The following CNTNAP2 variants were observed in gnomAD, a reference collection of about 807,000 sequenced individuals.
CNTNAP2 encodes contactin-associated protein-like 2.
In CNTNAP2, 98 loss-of-function variants were observed where a neutral mutation model predicts 155.2. That is an observed-to-expected ratio of 0.63 (90% CI 0.54 to 0.75). CNTNAP2 has a LOEUF of 0.75. Ranked by LOEUF, CNTNAP2 falls within the 30% of genes least tolerant of loss-of-function variation. CNTNAP2 has a pLI of 0.00. For synonymous variants in CNTNAP2, 651 were observed against 631.2 expected, an observed-to-expected ratio of 1.03 and a Z score of -0.47; for missense variants, 1,727 against 1,688.1, an observed-to-expected ratio of 1.02 and a Z score of -0.40.
intron 14 of CNTNAP2, among the ~76,000 whole-genome samples, chr7:147,969,035 TATC>T (rs1801281615): frequency 6.6e-6 from 1 of 152,138 alleles, no homozygotes; most frequent in Admixed American, 6.5e-5. Context: ...GGGGATCTCT[TATC>T]ATGCCAGCTC....
intron 4 of CNTNAP2, among the ~76,000 whole-genome samples, chr7:147,075,640 T>C (rs1563067082): frequency 6.6e-6 from 1 of 152,214 alleles, no homozygotes; most frequent in Non-Finnish European, 1.5e-5. Flanking sequence ...TTTTCTTTTT[T>C]TTAAATTATA....
intron 21 of CNTNAP2, among the ~76,000 whole-genome samples, chr7:148,370,375 G>C (rs1019648032): frequency 4.6e-5 from 7 of 152,180 alleles, no homozygotes; most frequent in Non-Finnish European, 8.8e-5. Flanking sequence ...CGCAGAAAGA[G>C]AGTCAGGGAC....
intron 1 of CNTNAP2, among the ~76,000 whole-genome samples, chr7:146,199,474 T>C (rs1014293826): frequency 1.3e-5 from 2 of 152,030 alleles, no homozygotes; most frequent in African/African-American, 4.8e-5. Flanking sequence ...GAGATCAAGG[T>C]GGGAGTACCT....
intron 1 of CNTNAP2, among the ~76,000 whole-genome samples, chr7:146,577,234 T>C (rs895918130): frequency 3.3e-5 from 5 of 152,124 alleles, no homozygotes; most frequent in African/African-American, 1.2e-4. Flanking sequence ...TGCACAGGGG[T>C]AAAGAGGTAG....
chr7:147,451,545 A>G (rs1584955604), intron 10 of CNTNAP2, among the ~76,000 whole-genome samples: 1 of 152,080 alleles, frequency 6.6e-6, no homozygotes, highest in South Asian at 2.1e-4. Context: ...GGGAGTAATA[A>G]TACAACTAGG....
intron 1 of CNTNAP2, among the ~76,000 whole-genome samples, chr7:146,293,496 G>T (rs544679916): frequency 2.0e-5 from 3 of 152,244 alleles, no homozygotes; most frequent in Non-Finnish European, 4.4e-5. Context: ...TATAATGAAG[G>T]ATGCTTCTGA....
At chr7:147,773,090 C>T (rs1020436356) in intron 13 of CNTNAP2, among the ~76,000 whole-genome samples, 9 of 152,172 alleles carry the variant, frequency 5.9e-5, no homozygotes, top group Non-Finnish European at 1.2e-4. Context: ...CTCATCTTCA[C>T]CACCCCATGC....
intron 15 of CNTNAP2, among the ~76,000 whole-genome samples, chr7:148,115,964 C>G (rs1012132367): frequency 1.6e-4 from 24 of 151,762 alleles, no homozygotes; most frequent in Non-Finnish European, 2.9e-4. Flanking sequence ...TATGGTGAAA[C>G]CCCGTCTCTA....
At chr7:147,327,205 C>T (rs1795477051) in intron 9 of CNTNAP2, among the ~76,000 whole-genome samples, 1 of 152,172 alleles carries the variant, frequency 6.6e-6, no homozygotes, top group Non-Finnish European at 1.5e-5. Context: ...AGGAACTCTT[C>T]TGAGCATTTT....
rs940561909 is a variant in CNTNAP2 at position 146,542,620 on chromosome 7, G to A, written c.98-231651G>A. On this transcript the variant is annotated intron_variant, in intron 1 of 23. Transcript: ENST00000361727. ...GACCCCCCCTTACTTCCTGTGATAT[G>A]CATTCTCCCTGTCAAGCATTTTAAT... Among the ~76,000 whole-genome samples the A allele has an allele frequency of 5.9e-5, 9 of 151,730 alleles. 1 individual carries two copies. In the East Asian group the frequency reaches 1.7e-3, roughly 29 times the overall value.
chr7:146,966,577 G>T (rs939171477), intron 3 of CNTNAP2, among the ~76,000 whole-genome samples: 1 of 152,134 alleles, frequency 6.6e-6, no homozygotes, highest in African/African-American at 2.4e-5. Flanking sequence ...TACTATTGAG[G>T]GTTTCATCCC....
chr7:148,157,193 C>A (rs1054955317), intron 17 of CNTNAP2, among the ~76,000 whole-genome samples: 1 of 152,138 alleles, frequency 6.6e-6, no homozygotes, highest in African/African-American at 2.4e-5. Flanking sequence ...CAATGGGAAA[C>A]CTCTAGAGGG....
chr7:147,466,855 G>A (rs1166225848), intron 10 of CNTNAP2, among the ~76,000 whole-genome samples: 1 of 152,136 alleles, frequency 6.6e-6, no homozygotes, highest in Non-Finnish European at 1.5e-5. Context: ...GGAGGCAGAG[G>A]TTGCAGTGAG....
chr7:146,297,831 T>C (rs1253434059), intron 1 of CNTNAP2, among the ~76,000 whole-genome samples: 1 of 152,166 alleles, frequency 6.6e-6, no homozygotes, highest in South Asian at 2.1e-4. Context: ...TTGTTTTCCA[T>C]GTTGAATGCT....
chr7:148,000,468 A>G (rs1360847460), intron 15 of CNTNAP2, among the ~76,000 whole-genome samples: 1 of 152,196 alleles, frequency 6.6e-6, no homozygotes, highest in Non-Finnish European at 1.5e-5. Flanking sequence ...CCTCGCAAGT[A>G]TATAGTCCAT....
At chr7:147,870,609 C>T (rs917533513) in intron 13 of CNTNAP2, among the ~76,000 whole-genome samples, 2 of 152,198 alleles carry the variant, frequency 1.3e-5, no homozygotes, top group African/African-American at 4.8e-5. Context: ...AATGCCAAGG[C>T]AATCCTGGCA....
chr7:148,298,800 G>T (rs1003675981), intron 21 of CNTNAP2, among the ~76,000 whole-genome samples: 15 of 152,028 alleles, frequency 9.9e-5, no homozygotes, highest in South Asian at 2.1e-4. Flanking sequence ...CTCAGCTCAG[G>T]TGATCCTCCC....
intron 21 of CNTNAP2, among the ~76,000 whole-genome samples, chr7:148,292,494 G>T (rs552721913): frequency 6.6e-6 from 1 of 152,322 alleles, no homozygotes; most frequent in Admixed American, 6.5e-5. Context: ...AAGCATGCTA[G>T]AGTTACAGTG....
chr7:146,189,237 A>T (rs1798667970), intron 1 of CNTNAP2, among the ~76,000 whole-genome samples: 1 of 152,198 alleles, frequency 6.6e-6, no homozygotes, highest in African/African-American at 2.4e-5. Context: ...TTGTCTCACA[A>T]AACAATTACG....
Sources: gnomAD v4.1 joint callset for allele counts (sites outside exome capture counted in the v4.1 genomes callset) on GRCh38, gnomAD v4.1.1 for gene constraint, MANE v1.5 for transcripts, NCBI Gene and HGNC (gene_info 2026-07-23, HGNC 2026-07-21) for gene names.